Variants in STXBP3 observed in about 807,000 individuals in gnomAD.
STXBP3 encodes syntaxin-binding protein 3.
STXBP3 carries 41 observed loss-of-function variants against 85.7 expected under a neutral mutation model. That is an observed-to-expected ratio of 0.48 (90% CI 0.37 to 0.62). The LOEUF is 0.62. Ranked by LOEUF, STXBP3 falls within the 20% of genes least tolerant of loss-of-function variation. STXBP3 has a pLI of 0.00. For synonymous variants in STXBP3, 229 were observed against 231.7 expected, an observed-to-expected ratio of 0.99 and a Z score of 0.10; for missense variants, 563 against 703.1, an observed-to-expected ratio of 0.80 and a Z score of 2.25.
chr1:108,774,640 CTTTTTT>C (rs11290690), intron 7 of STXBP3, among the ~76,000 whole-genome samples: 1 of 92,630 alleles, frequency 1.1e-5, no homozygotes, highest in African/African-American at 4.0e-5. Context: ...TCTTTCTTTC[CTTTTTT>C]TTTTTTTTTT....
At chr1:108,794,798 T>C (rs1163976377) in intron 12 of STXBP3, 29 bp from the exon 13 acceptor site, 2 of 1,592,204 alleles carry the variant, frequency 1.3e-6, no homozygotes, top group Non-Finnish European at 1.7e-6. Flanking sequence ...TTAAAATCCT[T>C]TAAATGATTG....
In STXBP3 at chr1:108,752,432, C is replaced by G. The variant is rs1051674216; in HGVS notation, c.99+126C>G. The G allele has an allele frequency of 1.6e-5, 13 of 834,680 alleles. No homozygotes were observed. In the Admixed American group the frequency reaches 3.7e-4, roughly 24 times the overall value. The allele number at this position is 834,680 out of a possible 1,614,324, so 51.7% of individuals were successfully genotyped here. On this transcript the variant is annotated intron_variant, in intron 2 of 18. Coordinates refer to ENST00000370008, the MANE Select transcript of STXBP3 (RefSeq NM_007269.4). Reference sequence around the variant, plus strand: ...TATAAGTAATCTAAAGATAATTTGACGTATGTGGGAGGATGTGTGTAGGTT... The same window carrying G: ...TATAAGTAATCTAAAGATAATTTGAGGTATGTGGGAGGATGTGTGTAGGTT...
intron 11 of STXBP3, among the ~76,000 whole-genome samples, chr1:108,783,664 C>T (rs2101124813): frequency 6.6e-6 from 1 of 152,210 alleles, no homozygotes; most frequent in African/African-American, 2.4e-5. Context: ...CACACTCTTT[C>T]TCTTGGGTAT....
chr1:108,761,052 C>T (rs140189311), intron 6 of STXBP3, among the ~76,000 whole-genome samples: 3,892 of 150,758 alleles, frequency 0.026, 183 homozygotes, highest in African/African-American at 0.089. Context: ...TACAGGCATG[C>T]GTCACCACAC....
In STXBP3 at chr1:108,794,878, A is replaced by G. The variant is rs771241467; in HGVS notation, c.1081A>G (p.Asn361Asp). The change falls in exon 13 of 19, where the codon AAT becomes GAT. Residue 361 changes from asparagine to aspartate, a missense_variant. Physicochemically the swap from Asn to Asp is conservative, Grantham distance 23. This residue lies in a region of STXBP3 where 494 missense variants were observed against 592.8 expected (regional missense o/e 0.83). Coordinates refer to ENST00000370008, the MANE Select transcript of STXBP3 (RefSeq NM_007269.4). ...AGATTGCATGAATAAGTTCAAGCTT[A>G]ATATAGAAAAGCTCTGCAAAACTGA... Reference protein sequence around the residue: ...AEDCMNKFKLNIEKLCKTEQD... With the variant: ...AEDCMNKFKLDIEKLCKTEQD... 2 of 1,609,378 alleles carry G rather than the reference A, an allele frequency of 1.2e-6. No individual in the cohort carries two copies. The highest frequency in any genetic ancestry group is 1.1e-5 in the South Asian group (1 of 90,378).
chr1:108,808,640 T>G (rs1400252334), intron 18 of STXBP3, 143 bp from the exon 19 acceptor site: 5 of 713,544 alleles, frequency 7.0e-6, no homozygotes, highest in Non-Finnish European at 1.2e-5. Context: ...CATAGGCAGA[T>G]TTCAGGAAGA....
At chr1:108,793,098 CTT>C (rs35440377) in intron 11 of STXBP3, among the ~76,000 whole-genome samples, 41,248 of 148,250 alleles carry the variant, frequency 0.28, 6,696 homozygotes, top group East Asian at 0.77. Flanking sequence ...TGTCTAGCTC[CTT>C]TCTTTTTAGC....
intron 9 of STXBP3, 66 bp downstream of exon 9, chr1:108,779,476 A>G (rs1016599476): frequency 3.4e-6 from 5 of 1,461,266 alleles, no homozygotes; most frequent in Middle Eastern, 1.8e-4. Flanking sequence ...GCATTTAATG[A>G]TTTATATAGG....
intron 11 of STXBP3, among the ~76,000 whole-genome samples, chr1:108,784,872 A>G (rs959019126): frequency 6.6e-6 from 1 of 152,262 alleles, no homozygotes; most frequent in African/African-American, 2.4e-5. Flanking sequence ...TCCAAAATCC[A>G]ATAGGGCAGT....
intron 2 of STXBP3, 115 bp downstream of exon 2, chr1:108,752,421 A>G: frequency 6.3e-6 from 6 of 954,160 alleles, no homozygotes; most frequent in Non-Finnish European, 7.7e-6. Flanking sequence ...AGTAATCTAA[A>G]GATAATTTGA....
At chr1:108,766,920 A>C (rs1662275844) in intron 6 of STXBP3, 2 of 534,382 alleles carry the variant, frequency 3.7e-6, no homozygotes, top group African/African-American at 3.9e-5. Context: ...GTAATATGGA[A>C]CTGGGGAGGA....
rs1393296540 is a variant in STXBP3 at position 108,793,642 on chromosome 1, A to G, written c.1024A>G (p.Thr342Ala). 6.2e-6 allele frequency: 10 copies of G among 1,611,196 alleles called. No individual in the cohort carries two copies. The highest frequency in any genetic ancestry group is 8.5e-6 in the Non-Finnish European group (10 of 1,177,902). The part of the protein sequence containing the change: ...KKMPHFRKQI[T>A]KQVVHLNLAE... ...GATGCCCCATTTCCGAAAACAGATT[A>G]CTAAGGTAAGCAGTATTGTATATGA... The change falls in exon 12 of 19, where the codon ACT becomes GCT. Residue 342 changes from threonine (T) to alanine (A), a missense_variant. Around this residue, in one of 3 missense-constraint regions of STXBP3, gnomAD observed 494 missense variants for 592.8 expected, o/e 0.83. Transcript: ENST00000370008.
intron 12 of STXBP3, among the ~76,000 whole-genome samples, chr1:108,794,475 A>C (rs1663046452): frequency 6.6e-6 from 1 of 152,200 alleles, no homozygotes; most frequent in African/African-American, 2.4e-5. Flanking sequence ...CACATGCCAG[A>C]CACTTGTAAA....
chr1:108,749,694 T>C (rs1661862700), intron 1 of STXBP3, among the ~76,000 whole-genome samples: 1 of 152,226 alleles, frequency 6.6e-6, no homozygotes, highest in African/African-American at 2.4e-5. Context: ...GCCCTTACTA[T>C]CTCCATAAAA....
chr1:108,768,942 G>C (rs1173913417), intron 6 of STXBP3, among the ~76,000 whole-genome samples: 4 of 152,086 alleles, frequency 2.6e-5, no homozygotes, highest in African/African-American at 9.7e-5. Context: ...GGCAAGTAGA[G>C]TTGATCCTTG....
At chr1:108,772,900 C>T in intron 7 of STXBP3, 81 bp downstream of exon 7, 1 of 1,297,620 alleles carries the variant, frequency 7.7e-7, no homozygotes, top group Middle Eastern at 2.1e-4. Flanking sequence ...TGTACCTTGG[C>T]ATGTTGGTTT....
chr1:108,806,838 C>G (rs1663346157), intron 17 of STXBP3, among the ~76,000 whole-genome samples: 1 of 151,344 alleles, frequency 6.6e-6, no homozygotes, highest in Non-Finnish European at 1.5e-5. Context: ...GTTGTTAGCT[C>G]TACTCTATAT....
intron 1 of STXBP3, 129 bp downstream of exon 1, chr1:108,746,915 G>A (rs1041628217): frequency 3.4e-6 from 3 of 889,336 alleles, no homozygotes; most frequent in African/African-American, 3.5e-5. Context: ...TGGGACCTGT[G>A]TGAGGACTTC....
chr1:108,747,887 A>C (rs1168484871), intron 1 of STXBP3, among the ~76,000 whole-genome samples: 1 of 152,222 alleles, frequency 6.6e-6, no homozygotes, highest in Non-Finnish European at 1.5e-5. Flanking sequence ...TGGCTGACTT[A>C]AGATTTGAGA....
Sources: gnomAD v4.1 joint callset for allele counts (sites outside exome capture counted in the v4.1 genomes callset) on GRCh38, gnomAD v4.1.1 for gene constraint, gnomAD v4.1.1 regional missense constraint, MANE v1.5 for transcripts, NCBI Gene and HGNC (gene_info 2026-07-23, HGNC 2026-07-21) for gene names.